Variants in ROBO1 observed in about 807,000 individuals in gnomAD.
ROBO1 encodes the protein roundabout homolog 1.
Under a neutral mutation model 195.9 loss-of-function variants are expected in ROBO1, and 149 were observed. The ratio of observed to expected loss-of-function variants is 0.76; its 90% CI spans 0.67 to 0.87. ROBO1 has a LOEUF of 0.87. Among genes scored for constraint, ROBO1 ranks in the 40% least tolerant of loss-of-function variants. The pLI, the probability that ROBO1 is intolerant of heterozygous loss-of-function variation, is 0.00. For missense variants in ROBO1, 1,933 were observed against 2,068.3 expected, an observed-to-expected ratio of 0.93 and a Z score of 1.27; for synonymous variants, 816 against 733.2, an observed-to-expected ratio of 1.11 and a Z score of -1.82.
At chr3:79,699,871 T>A (rs1181625773) in intron 1 of ROBO1, among the ~76,000 whole-genome samples, 1 of 151,642 alleles carries the variant, frequency 6.6e-6, no homozygotes, top group Non-Finnish European at 1.5e-5. Flanking sequence ...ACGGAGTGTA[T>A]GTGTAGGTTT....
At chr3:78,867,037 G>A (rs2035227754) in intron 4 of ROBO1, among the ~76,000 whole-genome samples, 1 of 152,102 alleles carries the variant, frequency 6.6e-6, no homozygotes, top group Non-Finnish European at 1.5e-5. Flanking sequence ...TGAAAGACTT[G>A]GTCTATCATT....
intron 1 of ROBO1, among the ~76,000 whole-genome samples, chr3:79,610,650 A>G (rs927743137): frequency 2.0e-5 from 3 of 151,978 alleles, no homozygotes; most frequent in Non-Finnish European, 4.4e-5. Context: ...ATGTTCTGTG[A>G]GCAAGCCTTC....
At chr3:78,673,524 T>C (rs1192687344) in intron 10 of ROBO1, among the ~76,000 whole-genome samples, 1 of 136,790 alleles carries the variant, frequency 7.3e-6, no homozygotes, top group Non-Finnish European at 1.6e-5. Flanking sequence ...ATATAATATA[T>C]ATAAATATAT....
chr3:78,790,968 A>G (rs1461202969), intron 4 of ROBO1, among the ~76,000 whole-genome samples: 1 of 152,294 alleles, frequency 6.6e-6, no homozygotes, highest in East Asian at 1.9e-4. Flanking sequence ...GAAGGGGTCA[A>G]GCATCACTTT....
chr3:79,393,565 C>T (rs1221624412), intron 2 of ROBO1, among the ~76,000 whole-genome samples: 1 of 152,024 alleles, frequency 6.6e-6, no homozygotes, highest in Non-Finnish European at 1.5e-5. Flanking sequence ...GAGAAAATAT[C>T]AACATTTTTG....
At chr3:78,610,160 T>G (rs1228144556) in intron 28 of ROBO1, among the ~76,000 whole-genome samples, 1 of 152,222 alleles carries the variant, frequency 6.6e-6, no homozygotes, top group African/African-American at 2.4e-5. Context: ...GCACTAATTT[T>G]CCCTCTGATT....
chr3:79,240,854 G>A lies in ROBO1; in HGVS notation c.89-115315C>T, dbSNP rs543559930. Among the ~76,000 whole-genome samples, 10 of 151,994 alleles carry A rather than the reference G, an allele frequency of 6.6e-5. No homozygotes were observed. The South Asian group carries it at 1.9e-3, about 28-fold the overall frequency. ...GATGGGATTTTCTCATGTTGTCCAG[G>A]ATGTTCTCAAACTCCTGGGTTCAAG... On this transcript the variant is annotated intron_variant, in intron 2 of 30. Transcript: ENST00000464233.
At chr3:79,243,897 T>C (rs891563685) in intron 2 of ROBO1, among the ~76,000 whole-genome samples, 1 of 152,172 alleles carries the variant, frequency 6.6e-6, no homozygotes, top group African/African-American at 2.4e-5. Flanking sequence ...AGACATGAAG[T>C]CCTTGCCCAT....
intron 2 of ROBO1, among the ~76,000 whole-genome samples, chr3:79,186,356 A>G (rs2081438150): frequency 6.6e-6 from 1 of 152,036 alleles, no homozygotes; most frequent in African/African-American, 2.4e-5. Context: ...CGTGTTTTAT[A>G]TTTACACATA....
chr3:78,911,734 G>T (rs1026102102), intron 4 of ROBO1, among the ~76,000 whole-genome samples: 1 of 151,908 alleles, frequency 6.6e-6, no homozygotes, highest in African/African-American at 2.4e-5. Context: ...GTTTTCAAAG[G>T]GGGTAATTGG....
chr3:79,697,737 AT>A (rs912918627), intron 1 of ROBO1, among the ~76,000 whole-genome samples: 3 of 151,496 alleles, frequency 2.0e-5, no homozygotes, highest in African/African-American at 7.2e-5. Flanking sequence ...GAAGCAGAAA[AT>A]GTAATCAGAA....
chr3:79,589,362 T>A (rs775134432), intron 2 of ROBO1, among the ~76,000 whole-genome samples: 1 of 151,700 alleles, frequency 6.6e-6, no homozygotes, highest in Non-Finnish European at 1.5e-5. Flanking sequence ...AGCAGCATGT[T>A]GCTTTTTTAT....
At chr3:79,464,246 G>T (rs1300637553) in intron 2 of ROBO1, among the ~76,000 whole-genome samples, 1 of 152,022 alleles carries the variant, frequency 6.6e-6, no homozygotes, top group African/African-American at 2.4e-5. Flanking sequence ...AAAGTTTTTT[G>T]TGTATTAACA....
At chr3:78,993,856 A>G (rs17016680) in intron 3 of ROBO1, among the ~76,000 whole-genome samples, 19,461 of 152,218 alleles carry the variant, frequency 0.13, 1,785 homozygotes, top group East Asian at 0.38. Context: ...CTGTTAAGCC[A>G]AAATGGTTTT....
At chr3:79,677,120 T>C (rs532482038) in intron 1 of ROBO1, among the ~76,000 whole-genome samples, 6 of 152,128 alleles carry the variant, frequency 3.9e-5, no homozygotes, top group African/African-American at 1.4e-4. Context: ...TCCTTGAGTG[T>C]GACAAAGATT....
rs115314853 is a variant in ROBO1 at position 78,874,537 on chromosome 3, G to A, written c.499+64064C>T. 8.7e-3 allele frequency among the ~76,000 whole-genome samples: 1,324 copies of A among 151,838 alleles called. 26 individuals carry two copies. Among genetic ancestry groups the A allele is most frequent in the African/African-American group, 0.03 (1,264 of 41,464 alleles). ...TGAGGTCTTAACAACCAGTACTAGA[G>A]AGGCTAAAAATGCAGGGGCAAATAA... On this transcript the variant is annotated intron_variant, in intron 4 of 30. Transcript: ENST00000464233.
chr3:78,967,538 A>C (rs760823732), intron 3 of ROBO1, among the ~76,000 whole-genome samples: 8 of 152,238 alleles, frequency 5.3e-5, no homozygotes, highest in Middle Eastern at 6.8e-3. Context: ...AGTCTTCCCG[A>C]ATTTAGACTG....
chr3:79,181,565 T>C (rs960529561), intron 2 of ROBO1, among the ~76,000 whole-genome samples: 1 of 152,238 alleles, frequency 6.6e-6, no homozygotes, highest in Non-Finnish European at 1.5e-5. Flanking sequence ...CTAACTCTTT[T>C]ATTTTTAAAT....
chr3:79,381,355 C>CAAAAAAAAAAAAAAAAAA (rs61680946), intron 2 of ROBO1, among the ~76,000 whole-genome samples: 1 of 60,714 alleles, frequency 1.6e-5, no homozygotes, highest in Non-Finnish European at 2.9e-5. Context: ...AACTCCGTCT[C>CAAAAAAAAAAAAAAAAAA]AAAAAAAAAA....
Sources: gnomAD v4.1 joint callset for allele counts (sites outside exome capture counted in the v4.1 genomes callset) on GRCh38, gnomAD v4.1.1 for gene constraint, MANE v1.5 for transcripts, NCBI Gene and HGNC (gene_info 2026-07-23, HGNC 2026-07-21) for gene names.